The following PARP8 variants were observed in gnomAD, a reference collection of about 807,000 sequenced individuals.
PARP8 encodes the protein protein mono-ADP-ribosyltransferase PARP8.
In PARP8, 51 loss-of-function variants were observed where a neutral mutation model predicts 124.1. The observed-to-expected ratio is 0.41, with a 90% CI of 0.33 to 0.52. The LOEUF (loss-of-function observed/expected upper bound fraction) is 0.52. PARP8 is among the 20% of genes least tolerant of loss of function. PARP8 has a pLI of 0.21. For missense variants in PARP8, 860 were observed against 1,018.9 expected (o/e 0.84, Z 2.12); for synonymous variants, 391 against 361.5 (o/e 1.08, Z -0.93).
intron 2 of PARP8, among the ~76,000 whole-genome samples, chr5:50,683,327 GA>G (rs1579940446): frequency 6.6e-6 from 1 of 152,130 alleles, no homozygotes; most frequent in African/African-American, 2.4e-5. Context: ...AAATTTAAAA[GA>G]AAGTAGTGCA....
chr5:50,836,899 A>G (rs1188493757), intron 25 of PARP8, among the ~76,000 whole-genome samples: 1 of 152,182 alleles, frequency 6.6e-6, no homozygotes, highest in African/African-American at 2.4e-5. Flanking sequence ...TGCTTTCCTT[A>G]GCCTGTCATC....
At chr5:50,805,889 T>C (rs1175868267) in intron 14 of PARP8, among the ~76,000 whole-genome samples, 1 of 152,038 alleles carries the variant, frequency 6.6e-6, no homozygotes, top group African/African-American at 2.4e-5. Context: ...TTTTGTCATT[T>C]CCATTTGTTA....
chr5:50,667,678 C>T (rs1241260885), intron 1 of PARP8: 6 of 699,732 alleles, frequency 8.6e-6, no homozygotes, highest in African/African-American at 3.5e-5. Context: ...TCCCTCTAGT[C>T]CCCTCCGACT....
intron 10 of PARP8, among the ~76,000 whole-genome samples, chr5:50,790,773 A>G (rs559618567): frequency 6.6e-6 from 1 of 152,284 alleles, no homozygotes; most frequent in South Asian, 2.1e-4. Context: ...TAACATATTT[A>G]ATTAATATCC....
rs1180070831 is a variant in PARP8, at chr5:50,844,156, GA to G, written c.*2090del. On this transcript the variant is annotated 3_prime_UTR_variant, in exon 26 of 26. Coordinates refer to ENST00000281631, the MANE Select transcript of PARP8 (RefSeq NM_024615.4). ...ATACAAACTGTTCCTGTTGACTTAAGAATAACAGTAGGTTCACCTATCTGAG... is the reference window on the plus strand; with the variant it reads ...ATACAAACTGTTCCTGTTGACTTAAGATAACAGTAGGTTCACCTATCTGAG... 4 of 151,832 alleles carry G rather than the reference GA, an allele frequency of 2.6e-5. No homozygotes were observed. Among genetic ancestry groups the G allele is most frequent in the African/African-American group, 9.7e-5 (4 of 41,404 alleles). 9.4% of individuals were successfully genotyped at this position (151,832 alleles called of 1,614,324 possible).
intron 2 of PARP8, among the ~76,000 whole-genome samples, chr5:50,731,096 C>A (rs1443599827): frequency 6.6e-6 from 1 of 152,186 alleles, no homozygotes; most frequent in Non-Finnish European, 1.5e-5. Context: ...GTCAGAAAAC[C>A]TGGCTCTGCT....
At position 50,842,177 on chromosome 5, in the gene PARP8, A is replaced by T; in HGVS notation, c.*109A>T. On this transcript the variant is annotated 3_prime_UTR_variant, in exon 26 of 26. Coordinates refer to ENST00000281631, the MANE Select transcript of PARP8 (RefSeq NM_024615.4). ...TTTATTGTTATTATAAACAAAATTA[A>T]CCCTTTGAATACTGATTTTTTTTCT... 1.3e-6 allele frequency: 1 copy of T among 755,330 alleles called. No individual in the cohort carries two copies. Among genetic ancestry groups the T allele is most frequent in the Non-Finnish European group, 2.1e-6 (1 of 470,090 alleles). The allele number at this position is 755,330 out of a possible 1,614,324, so 46.8% of individuals were successfully genotyped here.
At chr5:50,778,756 A>G in intron 9 of PARP8, 106 bp downstream of exon 9, 2 of 552,486 alleles carry the variant, frequency 3.6e-6, no homozygotes, top group Non-Finnish European at 6.0e-6. Context: ...AGTGCTAAAT[A>G]TCTTGATAAT....
intron 2 of PARP8, among the ~76,000 whole-genome samples, chr5:50,731,027 C>T (rs1454571116): frequency 7.2e-5 from 11 of 152,230 alleles, no homozygotes; most frequent in African/African-American, 2.6e-4. Context: ...AAGTTTCTTG[C>T]CGTAAGCAAA....
At chr5:50,695,687 T>C (rs1404786011) in intron 2 of PARP8, among the ~76,000 whole-genome samples, 1 of 151,880 alleles carries the variant, frequency 6.6e-6, no homozygotes, top group African/African-American at 2.4e-5. Context: ...TAAATTTTTT[T>C]CTAATAACAA....
At chr5:50,755,855 G>C (rs1035723893) in intron 3 of PARP8, among the ~76,000 whole-genome samples, 12 of 151,892 alleles carry the variant, frequency 7.9e-5, no homozygotes, top group Non-Finnish European at 1.5e-4. Context: ...CTTTTATTTT[G>C]TTCAGCAGTG....
At chr5:50,679,197 A>G (rs1751001675) in intron 2 of PARP8, among the ~76,000 whole-genome samples, 1 of 152,148 alleles carries the variant, frequency 6.6e-6, no homozygotes, top group Non-Finnish European at 1.5e-5. Context: ...ATCAATATAA[A>G]TGCATGCAGT....
Position 50,795,328 on chromosome 5 carries a change from G to A in PARP8, c.1339G>A (p.Glu447Lys), listed in dbSNP as rs182814465. Residue 447 changes from glutamate (E) to lysine (K), a missense_variant, in exon 12 of 26, where the codon GAA becomes AAA. This residue lies in a region of PARP8 where 517 missense variants were observed against 544.2 expected (regional missense o/e 0.95). Transcript: ENST00000281631. The stretch of plus-strand genomic sequence containing the variant: ...GTCATCCAAAACTGAGCTTTTCAAG[G>A]AACCTAACGCAGAGGGCAGGAGGCT... ...PKSSKTELFK[E>K]PNAEGRRLSL... 1.5e-3 allele frequency: 2,443 copies of A among 1,614,122 alleles called. 59 individuals carry two copies. The Admixed American group carries it at 0.039, about 26-fold the overall frequency.
At chr5:50,805,994 C>T (rs1046502974) in intron 14 of PARP8, among the ~76,000 whole-genome samples, 7 of 151,966 alleles carry the variant, frequency 4.6e-5, no homozygotes, top group Non-Finnish European at 1.0e-4. Context: ...CAGTACTCAC[C>T]TGTTGATATT....
intron 14 of PARP8, among the ~76,000 whole-genome samples, chr5:50,800,006 C>G (rs75200724): frequency 6.6e-6 from 1 of 152,106 alleles, no homozygotes; most frequent in South Asian, 2.1e-4. Context: ...CTATGGTATT[C>G]GATTACAGCA....
At chr5:50,830,034 C>G in intron 22 of PARP8, 73 bp downstream of exon 22, 1 of 1,502,994 alleles carries the variant, frequency 6.7e-7, no homozygotes, top group South Asian at 1.4e-5. Flanking sequence ...ACTCTATTCA[C>G]AGCTTTCTAT....
At chr5:50,697,008 C>T (rs1753104676) in intron 2 of PARP8, among the ~76,000 whole-genome samples, 2 of 152,108 alleles carry the variant, frequency 1.3e-5, no homozygotes, top group African/African-American at 4.8e-5. Context: ...GTGGCTCATG[C>T]CTGTAATCCC....
At chr5:50,671,664 A>G (rs1311367510) in intron 2 of PARP8, among the ~76,000 whole-genome samples, 1 of 152,104 alleles carries the variant, frequency 6.6e-6, no homozygotes, top group East Asian at 1.9e-4. Flanking sequence ...CCCAAATTGT[A>G]TTAATACTCT....
chr5:50,773,105 A>G (rs929221310), intron 7 of PARP8, among the ~76,000 whole-genome samples: 3 of 152,132 alleles, frequency 2.0e-5, no homozygotes, highest in African/African-American at 7.2e-5. Flanking sequence ...TGTGAGATGC[A>G]TGGCTTGCAG....
Sources: allele counts gnomAD v4.1 joint callset (sites outside exome capture counted in the v4.1 genomes callset), GRCh38; gene constraint gnomAD v4.1.1; regional missense constraint gnomAD v4.1.1; transcripts MANE v1.5; gene names NCBI Gene and HGNC (gene_info 2026-07-23, HGNC 2026-07-21).